TSNARE1: variants seen among roughly 807,000 people sequenced by gnomAD.
TSNARE1 encodes the protein t-SNARE domain containing 1, also known as t-SNARE domain-containing protein 1.
Under a neutral mutation model 62.0 loss-of-function variants are expected in TSNARE1, and 49 were observed. That is an observed-to-expected ratio of 0.79 (90% CI 0.63 to 1.00). The LOEUF (loss-of-function observed/expected upper bound fraction) is 1.00. Among genes scored for constraint, TSNARE1 ranks in the 50% least tolerant of loss-of-function variants. The probability of loss-of-function intolerance (pLI) is 0.00; values close to 1 mark genes in which losing one functional copy is unlikely to be tolerated. For missense variants in TSNARE1, 755 were observed against 700.1 expected, an observed-to-expected ratio of 1.08 and a Z score of -0.88; for synonymous variants, 328 against 294.4, an observed-to-expected ratio of 1.11 and a Z score of -1.17.
At chr8:142,313,294 G>A (rs773220584) in intron 9 of TSNARE1, among the ~76,000 whole-genome samples, 1 of 151,872 alleles carries the variant, frequency 6.6e-6, no homozygotes, top group Admixed American at 6.6e-5. Context: ...ATCTGCATGT[G>A]TCTGTGTTTA....
intron 12 of TSNARE1, among the ~76,000 whole-genome samples, chr8:142,263,182 A>C (rs1288266372): frequency 1.3e-5 from 2 of 152,208 alleles, no homozygotes; most frequent in Non-Finnish European, 2.9e-5. Flanking sequence ...AGTTAAGAAA[A>C]TTCTTGCCTT....
chr8:142,218,961 G>A (rs777963560), intron 13 of TSNARE1, among the ~76,000 whole-genome samples: 1 of 152,260 alleles, frequency 6.6e-6, no homozygotes, highest in Non-Finnish European at 1.5e-5. Flanking sequence ...CAGTCAAGGA[G>A]GCAGGAGTCT....
chr8:142,345,324 C>T (rs908037468), intron 3 of TSNARE1, among the ~76,000 whole-genome samples: 3 of 152,194 alleles, frequency 2.0e-5, no homozygotes, highest in Non-Finnish European at 2.9e-5. Flanking sequence ...GCCCCTCCAC[C>T]AGGAGGGAAG....
At chr8:142,368,845 A>AC (rs979064097) in intron 1 of TSNARE1, among the ~76,000 whole-genome samples, 3 of 152,152 alleles carry the variant, frequency 2.0e-5, no homozygotes. Flanking sequence ...ATTTGTGAAC[A>AC]CCCACAGTGG....
chr8:142,273,440 G>C, intron 12 of TSNARE1: 1 of 985,414 alleles, frequency 1.0e-6, no homozygotes, highest in Non-Finnish European at 1.2e-6. Flanking sequence ...TGCCCTCAGC[G>C]ACTAGAGGTG....
intron 1 of TSNARE1, among the ~76,000 whole-genome samples, chr8:142,392,947 G>GA (rs374805854): frequency 1.6e-3 from 177 of 109,504 alleles, no homozygotes; most frequent in African/African-American, 1.6e-3. Flanking sequence ...AGGAGAAAAA[G>GA]AAAAAAAAAA....
At chr8:142,276,892 G>A (rs1207313544) in intron 11 of TSNARE1, 8 of 985,296 alleles carry the variant, frequency 8.1e-6, no homozygotes, top group African/African-American at 3.5e-5. Context: ...GCCCAGCTCC[G>A]CAGCCAGCAA....
intron 12 of TSNARE1, among the ~76,000 whole-genome samples, chr8:142,246,241 A>G (rs1817879881): frequency 6.6e-6 from 1 of 152,070 alleles, no homozygotes; most frequent in South Asian, 2.1e-4. Context: ...CCATGAAGGC[A>G]GGGCTGGGGG....
intron 12 of TSNARE1, among the ~76,000 whole-genome samples, chr8:142,241,019 GT>G (rs1817648985): frequency 1.3e-5 from 2 of 152,206 alleles, no homozygotes; most frequent in Admixed American, 1.3e-4. Context: ...CCTCGCCAGT[GT>G]AATTAGGCAA....
chr8:142,229,715 TG>T, intron 12 of TSNARE1, 136 bp from the exon 13 acceptor site: 1 of 694,980 alleles, frequency 1.4e-6, no homozygotes, highest in South Asian at 1.7e-5. Flanking sequence ...AGAGAGAACC[TG>T]TGTCTTTCAA....
intron 10 of TSNARE1, among the ~76,000 whole-genome samples, chr8:142,285,690 A>C (rs973744131): frequency 1.1e-4 from 17 of 152,294 alleles, no homozygotes; most frequent in Admixed American, 8.5e-4. Context: ...GAGTGGCTCC[A>C]TGAAGCTAGT....
At chr8:142,292,487 G>A (rs1328458331) in intron 10 of TSNARE1, among the ~76,000 whole-genome samples, 2 of 152,196 alleles carry the variant, frequency 1.3e-5, no homozygotes, top group African/African-American at 4.8e-5. Flanking sequence ...TGGAGGTGGT[G>A]GGTGGCGGGC....
chr8:142,355,050 G>T (rs1166587054), intron 1 of TSNARE1, among the ~76,000 whole-genome samples: 1 of 152,174 alleles, frequency 6.6e-6, no homozygotes, highest in East Asian at 1.9e-4. Flanking sequence ...AGCAAGGTGA[G>T]CCCTCTGGCC....
intron 9 of TSNARE1, among the ~76,000 whole-genome samples, chr8:142,303,745 T>C (rs749737844): frequency 6.6e-6 from 1 of 152,172 alleles, no homozygotes; most frequent in Non-Finnish European, 1.5e-5. Flanking sequence ...TATGACTGCA[T>C]CCAGGATGGG....
At chr8:142,358,711 T>C (rs1834931448) in intron 1 of TSNARE1, among the ~76,000 whole-genome samples, 1 of 151,790 alleles carries the variant, frequency 6.6e-6, no homozygotes, top group Admixed American at 6.6e-5. Flanking sequence ...ACATGTCTTC[T>C]GCCTATTCAC....
At chr8:142,341,149 C>T (rs1832533302) in intron 4 of TSNARE1, among the ~76,000 whole-genome samples, 1 of 152,234 alleles carries the variant, frequency 6.6e-6, no homozygotes, top group Non-Finnish European at 1.5e-5. Flanking sequence ...CAAGTGGCTC[C>T]ACCCTCTCAG....
chr8:142,356,550 G>A (rs1036749372), intron 1 of TSNARE1, among the ~76,000 whole-genome samples: 5 of 152,218 alleles, frequency 3.3e-5, no homozygotes, highest in Admixed American at 2.6e-4. Context: ...AAGCTCAGAT[G>A]TGGAAGACAG....
chr8:142,285,324 A>G (rs1822525973), intron 10 of TSNARE1, among the ~76,000 whole-genome samples: 2 of 121,820 alleles, frequency 1.6e-5, no homozygotes, highest in Non-Finnish European at 1.7e-5. Flanking sequence ...GGGTAGGTGG[A>G]TAGGTGGTTG....
At position 142,271,563 on chromosome 8, in the gene TSNARE1, G is replaced by T. The variant is rs1819550208; in HGVS notation, c.1446+3218C>A. 6 of 1,403,442 alleles carry T rather than the reference G, an allele frequency of 4.3e-6. No individual in the cohort carries two copies. The East Asian group carries it at 8.9e-5, about 21-fold the overall frequency. The allele number at this position is 1,403,442 out of a possible 1,614,324, so 86.9% of individuals were successfully genotyped here. On this transcript the variant is annotated intron_variant, in intron 12 of 13. Transcript: ENST00000524325. ...GGGGTGGAGGCTGGGGAAGCAGGTG[G>T]GGAGGGTGAGGAGGTGGGTGCGTGG...
Sources: allele counts gnomAD v4.1 joint callset (sites outside exome capture counted in the v4.1 genomes callset), GRCh38; gene constraint gnomAD v4.1.1; transcripts MANE v1.5; gene names NCBI Gene and HGNC (gene_info 2026-07-23, HGNC 2026-07-21).